STK3: variants seen among roughly 807,000 people sequenced by gnomAD.
STK3 encodes serine/threonine kinase 3, also known as serine/threonine-protein kinase 3.
A neutral mutation model predicts 58.0 loss-of-function variants in STK3; 41 were observed. The observed-to-expected ratio is 0.71, with a 90% CI of 0.55 to 0.92. The LOEUF is 0.92. STK3 is among the 40% of genes least tolerant of loss of function. The pLI, the probability that STK3 is intolerant of heterozygous loss-of-function variation, is 0.00. For synonymous variants in STK3, 170 were observed against 191.0 expected, an observed-to-expected ratio of 0.89 and a Z score of 0.91; for missense variants, 479 against 602.7, an observed-to-expected ratio of 0.79 and a Z score of 2.15.
rs908161309 is a variant in STK3, at chr8:98,863,231, C to T, written c.110+20416G>A. 4.6e-5 allele frequency among the ~76,000 whole-genome samples: 7 copies of T among 152,274 alleles called. No homozygotes were observed. The East Asian group carries it at 1.3e-3, about 29-fold the overall frequency. ...TCTTGTCTTTGTGAAAATAGTGAGACTGGTGTTATCATTGATAAGAGCAGC... is the reference window on the plus strand; with the variant it reads ...TCTTGTCTTTGTGAAAATAGTGAGATTGGTGTTATCATTGATAAGAGCAGC... On this transcript the variant is annotated intron_variant, in intron 3 of 12. Coordinates refer to the STK3 transcript ENST00000523601.
downstream of STK3, among the ~76,000 whole-genome samples, chr8:98,366,780 CCATGT>C (rs1817569050): frequency 6.6e-6 from 1 of 152,170 alleles, no homozygotes; most frequent in Admixed American, 6.5e-5. Flanking sequence ...ATCCTGACTC[CCATGT>C]CCAACATCAG....
chr8:98,422,805 G>A (rs537542058), intron 3 of STK3, among the ~76,000 whole-genome samples: 3 of 152,220 alleles, frequency 2.0e-5, no homozygotes, highest in East Asian at 1.9e-4. Flanking sequence ...CTCTCGATCC[G>A]CACCCCCAAA....
At chr8:98,742,246 C>A (rs867859294) in intron 4 of STK3, among the ~76,000 whole-genome samples, 4 of 151,792 alleles carry the variant, frequency 2.6e-5, no homozygotes, top group African/African-American at 2.4e-5. Flanking sequence ...CCAGCATCAT[C>A]CTGATACCAA....
chr8:98,496,154 T>A (rs1823118574), intron 10 of STK3, among the ~76,000 whole-genome samples: 1 of 152,152 alleles, frequency 6.6e-6, no homozygotes, highest in Admixed American at 6.6e-5. Flanking sequence ...TGGAGCACAG[T>A]GCCTAGCACA....
intron 2 of STK3, among the ~76,000 whole-genome samples, chr8:98,375,260 C>CAAAAAAAA (rs1242487383): frequency 1.6e-5 from 2 of 127,852 alleles, no homozygotes; most frequent in Non-Finnish European, 1.6e-5. Context: ...GTTTCCAAAA[C>CAAAAAAAA]AAAAAAAAAA....
chr8:98,844,790 T>C (rs1002203777), intron 3 of STK3, among the ~76,000 whole-genome samples: 4 of 152,168 alleles, frequency 2.6e-5, no homozygotes, highest in African/African-American at 9.7e-5. Flanking sequence ...AGAATGTCAA[T>C]GATTATTGCT....
intron 3 of STK3, chr8:98,413,419 C>A: frequency 1.8e-6 from 1 of 564,808 alleles, no homozygotes. Flanking sequence ...TCCTGCTGAT[C>A]CCTCACTTTC....
At chr8:98,508,826 T>C (rs1280047926) in intron 10 of STK3, among the ~76,000 whole-genome samples, 1 of 152,002 alleles carries the variant, frequency 6.6e-6, no homozygotes, top group Non-Finnish European at 1.5e-5. Flanking sequence ...GTAAGCAAAA[T>C]TATTAGGATT....
intron 3 of STK3, among the ~76,000 whole-genome samples, chr8:98,845,465 T>G (rs1478642080): frequency 6.6e-6 from 1 of 152,194 alleles, no homozygotes; most frequent in African/African-American, 2.4e-5. Context: ...ACATCACACA[T>G]GACAGCACTC....
upstream of STK3, among the ~76,000 whole-genome samples, chr8:98,390,319 T>C (rs1817836160): frequency 1.3e-5 from 2 of 152,294 alleles, no homozygotes; most frequent in South Asian, 4.1e-4. Context: ...GGAATGACAG[T>C]TCTTTTCTTT....
At chr8:98,599,805 CT>C (rs1477752309) in intron 6 of STK3, among the ~76,000 whole-genome samples, 1 of 152,000 alleles carries the variant, frequency 6.6e-6, no homozygotes, top group Non-Finnish European at 1.5e-5. Context: ...AACCCTGTCT[CT>C]CCCAAAAAAC....
chr8:98,537,460 G>A (rs1157626091), intron 9 of STK3, among the ~76,000 whole-genome samples: 1 of 152,036 alleles, frequency 6.6e-6, no homozygotes, highest in Non-Finnish European at 1.5e-5. Flanking sequence ...ACAGAAGTGG[G>A]ACAGAGAGGA....
chr8:98,733,288 C>A (rs1382070008), intron 4 of STK3, among the ~76,000 whole-genome samples: 1 of 152,204 alleles, frequency 6.6e-6, no homozygotes, highest in South Asian at 2.1e-4. Flanking sequence ...AAGCAGGAGT[C>A]CCCAACCCCT....
At chr8:98,349,645 C>T in the STK3 span, among the ~76,000 whole-genome samples, 1 of 152,362 alleles carries the variant, frequency 6.6e-6, no homozygotes, top group African/African-American at 2.4e-5. Flanking sequence ...GACATCCAGG[C>T]ATTTCCATAC....
At chr8:98,757,550 G>A (rs1322141603) in intron 3 of STK3, among the ~76,000 whole-genome samples, 4 of 146,506 alleles carry the variant, frequency 2.7e-5, no homozygotes, top group South Asian at 2.2e-4. Context: ...AGCCGAGGTC[G>A]CGCCATTGCA....
At chr8:98,434,985 C>G (rs1201192448) in intron 2 of STK3, among the ~76,000 whole-genome samples, 3 of 152,210 alleles carry the variant, frequency 2.0e-5, no homozygotes, top group Non-Finnish European at 4.4e-5. Context: ...GCAAGTCCTC[C>G]TGGGGGCAAC....
At chr8:98,910,948 T>C (rs1839107383) in intron 1 of STK3, among the ~76,000 whole-genome samples, 1 of 152,136 alleles carries the variant, frequency 6.6e-6, no homozygotes. Context: ...CCATCGCACT[T>C]AGCAAGGGAA....
intron 4 of STK3, among the ~76,000 whole-genome samples, chr8:98,741,230 G>C (rs1406407624): frequency 6.6e-6 from 1 of 152,244 alleles, no homozygotes; most frequent in South Asian, 2.1e-4. Flanking sequence ...GAACTCAGCT[G>C]TGTACCAAGT....
chr8:98,820,698 G>A (rs967247440), intron 1 of STK3, among the ~76,000 whole-genome samples: 16 of 152,070 alleles, frequency 1.1e-4, no homozygotes, highest in African/African-American at 3.4e-4. Flanking sequence ...CAATAAATTC[G>A]GCTGCGCGGT....
Sources: gnomAD v4.1 joint callset for allele counts (sites outside exome capture counted in the v4.1 genomes callset) on GRCh38, gnomAD v4.1.1 for gene constraint, MANE v1.5 for transcripts, NCBI Gene and HGNC (gene_info 2026-07-23, HGNC 2026-07-21) for gene names.